TMCO4: variants seen among roughly 807,000 people sequenced by gnomAD.
The protein encoded by TMCO4 is transmembrane and coiled-coil domains 4.
A neutral mutation model predicts 64.7 loss-of-function variants in TMCO4; 58 were observed. The observed-to-expected ratio is 0.90, with a 90% confidence interval of 0.73 to 1.12. The LOEUF (loss-of-function observed/expected upper bound fraction) is 1.12. Ranked by LOEUF, TMCO4 falls within the 50% of genes most tolerant of loss-of-function variation. The probability of loss-of-function intolerance (pLI) is 0.00; values close to 1 mark genes in which losing one functional copy is unlikely to be tolerated. For missense variants in TMCO4, 780 were observed against 825.9 expected (o/e 0.94, Z 0.68); for synonymous variants, 325 against 346.1 (o/e 0.94, Z 0.68).
chr1:19,729,506 C>T (rs1049702096), intron 13 of TMCO4, among the ~76,000 whole-genome samples: 3 of 151,592 alleles, frequency 2.0e-5, no homozygotes, highest in African/African-American at 7.3e-5. Flanking sequence ...TGGCTCACAC[C>T]TGTAATCCCA....
At chr1:19,773,097 C>A (rs1022100561) in intron 4 of TMCO4, among the ~76,000 whole-genome samples, 2 of 152,102 alleles carry the variant, frequency 1.3e-5, no homozygotes, top group Non-Finnish European at 2.9e-5. Context: ...GGCTGAGGCA[C>A]AAGAGTCGCT....
chr1:19,727,132 G>T (rs188165141), intron 13 of TMCO4, among the ~76,000 whole-genome samples: 4 of 152,208 alleles, frequency 2.6e-5, no homozygotes, highest in Non-Finnish European at 4.4e-5. Flanking sequence ...GAGGCTGGGA[G>T]GCTTGCTGAG....
rs191535145 is a variant in TMCO4 at position 19,687,342 on chromosome 1, G to A, written c.1501-3898C>T. Reference sequence around the variant, plus strand: ...GCTCAAGAGATCCTCCTGCTTCAGCGTCCTAAATTGCTGAGACTATAGGCA... The same window carrying A: ...GCTCAAGAGATCCTCCTGCTTCAGCATCCTAAATTGCTGAGACTATAGGCA... On this transcript the variant is annotated intron_variant, in intron 15 of 15. Transcript: ENST00000294543. Among the ~76,000 whole-genome samples, 5 of 152,222 alleles carry A rather than the reference G, an allele frequency of 3.3e-5. No homozygotes were observed. In the South Asian group the frequency reaches 6.2e-4, roughly 19 times the overall value.
At chr1:19,748,697 C>T (rs906178898) in intron 7 of TMCO4, among the ~76,000 whole-genome samples, 10 of 152,042 alleles carry the variant, frequency 6.6e-5, no homozygotes, top group Admixed American at 2.0e-4. Flanking sequence ...TGGGGGCAGG[C>T]GCCTGTAATT....
At chr1:19,736,314 C>T (rs979408184) in intron 13 of TMCO4, among the ~76,000 whole-genome samples, 9 of 152,148 alleles carry the variant, frequency 5.9e-5, no homozygotes, top group South Asian at 2.1e-4. Flanking sequence ...GAAAACCCAC[C>T]CCCCTGATTC....
intron 4 of TMCO4, among the ~76,000 whole-genome samples, chr1:19,779,002 G>A (rs190551940): frequency 2.0e-5 from 3 of 152,236 alleles, no homozygotes; most frequent in Admixed American, 6.5e-5. Flanking sequence ...GCTTCCTGGC[G>A]GTAACCCCCA....
At chr1:19,769,049 G>A (rs1052327817) in intron 6 of TMCO4, among the ~76,000 whole-genome samples, 1 of 152,232 alleles carries the variant, frequency 6.6e-6, no homozygotes, top group African/African-American at 2.4e-5. Context: ...GCACGCATGA[G>A]AAAGCAGCTC....
At chr1:19,748,587 G>A (rs2041889873) in intron 7 of TMCO4, among the ~76,000 whole-genome samples, 1 of 152,174 alleles carries the variant, frequency 6.6e-6, no homozygotes, top group Non-Finnish European at 1.5e-5. Flanking sequence ...CACTTTGGGA[G>A]GCCGAGGCAG....
At position 19,734,671 on chromosome 1, in the gene TMCO4, G is replaced by A. The variant is rs889356436; in HGVS notation, c.1264+2701C>T. On this transcript the variant is annotated intron_variant, in intron 13 of 15. Coordinates refer to ENST00000294543, the MANE Select transcript of TMCO4 (RefSeq NM_181719.7). This position sits in a 1 kb window ranked among gnomAD's most constrained non-coding sequence, Gnocchi z 4.4. ...GTTTCTAGACACCCCTGAGAGCCCCGCCTTTGCCCATGCTGGCCGACCCTC... is the reference window on the plus strand; with the variant it reads ...GTTTCTAGACACCCCTGAGAGCCCCACCTTTGCCCATGCTGGCCGACCCTC... Among the ~76,000 whole-genome samples the A allele has an allele frequency of 7.2e-5, 11 of 152,054 alleles. No individual in the cohort carries two copies. The highest frequency in any genetic ancestry group is 1.2e-4 in the Non-Finnish European group (8 of 68,012).
intron 13 of TMCO4, among the ~76,000 whole-genome samples, chr1:19,722,888 G>GT (rs1274672571): frequency 3.9e-5 from 6 of 152,114 alleles, no homozygotes; most frequent in Non-Finnish European, 8.8e-5. Context: ...TTCCGTGCCT[G>GT]TGTTTCTCTC....
intron 13 of TMCO4, among the ~76,000 whole-genome samples, chr1:19,708,707 TC>T (rs2095314890): frequency 6.6e-6 from 1 of 152,114 alleles, no homozygotes; most frequent in Admixed American, 6.6e-5. Context: ...CTTTCTGTTA[TC>T]CCAGGGCCTG....
At chr1:19,698,100 G>C (rs1277614595) in intron 14 of TMCO4, among the ~76,000 whole-genome samples, 1 of 152,140 alleles carries the variant, frequency 6.6e-6, no homozygotes, top group African/African-American at 2.4e-5. Flanking sequence ...TCTCTCCCAG[G>C]CCCTCCAGCC....
intron 9 of TMCO4, among the ~76,000 whole-genome samples, chr1:19,746,085 G>C (rs151215034): frequency 6.6e-6 from 1 of 152,204 alleles, no homozygotes; most frequent in African/African-American, 2.4e-5. Flanking sequence ...GGAGTGGGAG[G>C]GGGGCTGCTG....
At position 19,771,475 on chromosome 1, in the gene TMCO4, A is replaced by C; in HGVS notation, c.187T>G (p.Cys63Gly). The C allele has an allele frequency of 1.9e-6, 3 of 1,613,912 alleles. No individual in the cohort carries two copies. Among genetic ancestry groups the C allele is most frequent in the Non-Finnish European group, 2.5e-6 (3 of 1,179,962 alleles). Residue 63 changes from cysteine (C) to glycine (G), a missense_variant, in exon 5 of 16, where the codon TGC (cysteine) becomes GGC (glycine). Transcript: ENST00000294543. ...ACCAGGCCTGCCATGAACTCTGTGC[A>C]GAAGGAGCTGAAAGGCAGACATGGC... Reference protein sequence around the residue: ...LFPEPEHSSFCTEFMAGLVQW... With the variant: ...LFPEPEHSSFGTEFMAGLVQW...
At chr1:19,700,328 A>C (rs2095263598) in intron 14 of TMCO4, among the ~76,000 whole-genome samples, 1 of 152,038 alleles carries the variant, frequency 6.6e-6, no homozygotes, top group African/African-American at 2.4e-5. Flanking sequence ...GGCAGCACTC[A>C]GAAAGCTCAG....
At chr1:19,719,173 G>T (rs1290986338) in intron 13 of TMCO4, among the ~76,000 whole-genome samples, 1 of 152,186 alleles carries the variant, frequency 6.6e-6, no homozygotes. Context: ...GTCCGGGTTT[G>T]TAAGCTCTAG....
chr1:19,727,067 CG>C (rs1200533567), intron 13 of TMCO4, among the ~76,000 whole-genome samples: 16 of 152,214 alleles, frequency 1.1e-4, no homozygotes, highest in East Asian at 9.7e-4. Flanking sequence ...GGTTCAGCCC[CG>C]GATGGGTTTC....
intron 2 of TMCO4, among the ~76,000 whole-genome samples, chr1:19,792,765 A>AT (rs71579823): frequency 0.035 from 3,130 of 89,606 alleles, 219 homozygotes; most frequent in African/African-American, 0.075. Context: ...GTCAAGGTCA[A>AT]TTTTTTTTTT....
chr1:19,730,194 T>C (rs115562980), intron 13 of TMCO4, among the ~76,000 whole-genome samples: 1 of 152,336 alleles, frequency 6.6e-6, no homozygotes, highest in African/African-American at 2.4e-5. Context: ...AAAAGTCACA[T>C]GTGTTACTTA....
Sources: allele counts gnomAD v4.1 joint callset (sites outside exome capture counted in the v4.1 genomes callset), GRCh38; gene constraint gnomAD v4.1.1; non-coding constraint Gnocchi (gnomAD v3.1); transcripts MANE v1.5; gene names NCBI Gene and HGNC (gene_info 2026-07-23, HGNC 2026-07-21).